NCOR2: variants seen among roughly 807,000 people sequenced by gnomAD.
NCOR2 encodes nuclear receptor corepressor 2.
NCOR2 carries 81 observed loss-of-function variants against 262.9 expected under a neutral mutation model. That is an observed-to-expected ratio of 0.31 (90% CI 0.26 to 0.37). The LOEUF (loss-of-function observed/expected upper bound fraction) is 0.37. Ranked by LOEUF, NCOR2 falls within the 10% of genes least tolerant of loss-of-function variation. NCOR2 has a pLI of 1.00. For synonymous variants in NCOR2, 1,659 were observed against 1,559.3 expected, an observed-to-expected ratio of 1.06 and a Z score of -1.51; for missense variants, 3,385 against 3,621.4, an observed-to-expected ratio of 0.93 and a Z score of 1.68.
At chr12:124,334,330 T>C (rs1179445740) in intron 41 of NCOR2, 94 bp downstream of exon 43, 2 of 910,370 alleles carry the variant, frequency 2.2e-6, no homozygotes, top group South Asian at 1.7e-5. Context: ...GCGGGCCTCA[T>C]ATGCAGCTGA....
chr12:124,447,111 C>T (rs1176997236), intron 7 of NCOR2, among the ~76,000 whole-genome samples: 1 of 152,186 alleles, frequency 6.6e-6, no homozygotes, highest in African/African-American at 2.4e-5. Context: ...GATGGGGTTT[C>T]ACCATGTCGG....
In NCOR2 at chr12:124,356,729, C is replaced by T. The variant is rs570351609; in HGVS notation, c.3154G>A (p.Gly1052Ser). 10 of 1,498,834 alleles carry T rather than the reference C, an allele frequency of 6.7e-6. No individual in the cohort carries two copies. The South Asian group carries it at 8.4e-5, about 13-fold the overall frequency. 92.8% of individuals were successfully genotyped at this position (1,498,834 alleles called of 1,614,324 possible). Residue 1052 changes from glycine (G) to serine (S), a missense_variant, in exon 23 of 47, where the codon GGC becomes AGC. Transcript: ENST00000405201. ...CGGGGGGGCACGGGGAAGGGCAGGCCGGAAGTCCAGCAAGGGGGGTCCCCA... is the reference window on the plus strand; with the variant it reads ...CGGGGGGGCACGGGGAAGGGCAGGCTGGAAGTCCAGCAAGGGGGGTCCCCA...
chr12:124,465,357 G>C (rs2046367062), intron 5 of NCOR2, among the ~76,000 whole-genome samples: 2 of 152,214 alleles, frequency 1.3e-5, no homozygotes, highest in Non-Finnish European at 2.9e-5. Flanking sequence ...AGCCCAGCTG[G>C]TAGTGGCTTG....
At chr12:124,332,350 C>A (rs1372031807) in exon 43 of NCOR2, 5 of 1,614,194 alleles carry the variant, frequency 3.1e-6, no homozygotes, top group Non-Finnish European at 4.2e-6. Flanking sequence ...TGTGGGTGTT[C>A]AGCTTCTTGT....
intron 13 of NCOR2, among the ~76,000 whole-genome samples, chr12:124,409,265 T>C (rs2042437536): frequency 6.6e-6 from 1 of 152,224 alleles, no homozygotes. Flanking sequence ...TTCCTGGCCC[T>C]GGCCCACCTC....
upstream of NCOR2, among the ~76,000 whole-genome samples, chr12:124,498,758 C>T (rs922023402): frequency 1.3e-5 from 2 of 152,178 alleles, no homozygotes; most frequent in Admixed American, 6.5e-5. Context: ...AAAAGGCAGA[C>T]CCAGCAAAAA....
At chr12:124,336,892 G>T (rs2035947136) in exon 38 of NCOR2, 2 of 1,605,628 alleles carry the variant, frequency 1.2e-6, no homozygotes, top group Non-Finnish European at 1.7e-6. Context: ...CAGGGGTGCG[G>T]GCGATGGTGG....
chr12:124,475,778 C>A lies in NCOR2; in HGVS notation c.412-2647G>T, dbSNP rs1047027408. ...ATGCCCAAGGCCACTCAGCATCCTA[C>A]CTTGGAAGGTGCTTGAAGGGGGAGG... On this transcript the variant is annotated intron_variant, in intron 3 of 46. Transcript: ENST00000405201. Among the ~76,000 whole-genome samples the A allele has an allele frequency of 7.2e-5, 11 of 152,340 alleles. No individual in the cohort carries two copies. In the East Asian group the frequency reaches 2.1e-3, roughly 29 times the overall value.
At chr12:124,357,995 GGTGT>G (rs764237314) in intron 22 of NCOR2, among the ~76,000 whole-genome samples, 15 of 149,126 alleles carry the variant, frequency 1.0e-4, no homozygotes, top group South Asian at 4.2e-4. Context: ...GGTAACCTGT[GGTGT>G]GTGTGTGTGC....
intron 28 of NCOR2, chr12:124,348,914 G>A (rs2037180449): frequency 6.4e-6 from 1 of 155,922 alleles, no homozygotes; most frequent in Non-Finnish European, 1.4e-5. Context: ...CACGGGTCTT[G>A]TGTGTGCAGG....
At chr12:124,413,604 C>T (rs1435168775) in intron 13 of NCOR2, among the ~76,000 whole-genome samples, 2 of 152,100 alleles carry the variant, frequency 1.3e-5, no homozygotes, top group East Asian at 1.9e-4. Flanking sequence ...CCACGGGCAC[C>T]GCGCCAGGAC....
intron 44 of NCOR2, among the ~76,000 whole-genome samples, chr12:124,329,779 G>A (rs2035023094): frequency 6.6e-6 from 1 of 152,190 alleles, no homozygotes; most frequent in African/African-American, 2.4e-5. Context: ...ATAAGTGTTA[G>A]CATAAATCTT....
intron 1 of NCOR2, among the ~76,000 whole-genome samples, chr12:124,511,322 G>A (rs2049381137): frequency 6.6e-6 from 1 of 152,202 alleles, no homozygotes; most frequent in South Asian, 2.1e-4. Flanking sequence ...ACTCCTGGAA[G>A]CCCCAGTGCC....
intron 17 of NCOR2, among the ~76,000 whole-genome samples, chr12:124,385,038 G>GGGAGGAAGGGAAGGA (rs1337014889): frequency 6.6e-6 from 1 of 152,096 alleles, no homozygotes; most frequent in Non-Finnish European, 1.5e-5. Context: ...GGAGAAAGGA[G>GGGAGGAAGGGAAGGA]GGAGGAAGGG....
chr12:124,479,454 TAC>T lies in NCOR2; in HGVS notation c.411+4140_411+4141del, dbSNP rs144568176. 3.2e-3 allele frequency among the ~76,000 whole-genome samples: 463 copies of T among 143,470 alleles called. 3 individuals are homozygous for T. Among genetic ancestry groups the T allele is most frequent in the African/African-American group, 0.01 (399 of 38,466 alleles). 94.1% of individuals were successfully genotyped at this position (143,470 alleles called of 152,430 possible). On this transcript the variant is annotated intron_variant, in intron 3 of 46. Transcript: ENST00000405201. ...ACAGGCACATGTGTGCACACACGCATACACACACACACACAAACACGCAGGGA... is the reference window on the plus strand; with the variant it reads ...ACAGGCACATGTGTGCACACACGCATACACACACACACAAACACGCAGGGA...
At chr12:124,456,883 C>A (rs971132661) in intron 6 of NCOR2, among the ~76,000 whole-genome samples, 3 of 152,224 alleles carry the variant, frequency 2.0e-5, no homozygotes, top group African/African-American at 7.2e-5. Flanking sequence ...GAGGCGCTCG[C>A]TGCCAAGACT....
chr12:124,374,372 G>A lies in NCOR2; in HGVS notation c.2218+41C>T, dbSNP rs377444347. On this transcript the variant is annotated intron_variant, in intron 19 of 46. Coordinates refer to ENST00000405201, the Ensembl canonical transcript of NCOR2. The stretch of plus-strand genomic sequence containing the variant: ...CCGGGGACCTTGGGATGCCCGCCCC[G>A]GCCCGGCCCTACCCCCCAGGCCAGC... 8.4e-5 allele frequency: 134 copies of A among 1,603,082 alleles called. 1 individual carries two copies. The East Asian group carries it at 1.6e-3, about 19-fold the overall frequency.
intron 20 of NCOR2, among the ~76,000 whole-genome samples, chr12:124,367,041 A>G (rs528414207): frequency 1.3e-5 from 2 of 152,240 alleles, no homozygotes; most frequent in African/African-American, 2.4e-5. Context: ...TATATGTGTA[A>G]AGATAATTCT....
chr12:124,450,566 A>G (rs191767342), intron 6 of NCOR2, among the ~76,000 whole-genome samples: 8 of 152,340 alleles, frequency 5.3e-5, no homozygotes, highest in South Asian at 2.1e-4. Context: ...CCACCAGAAG[A>G]GCAGCTAAGG....
Sources: gnomAD v4.1 joint callset for allele counts (sites outside exome capture counted in the v4.1 genomes callset) on GRCh38, gnomAD v4.1.1 for gene constraint, MANE v1.5 for transcripts, NCBI Gene and HGNC (gene_info 2026-07-23, HGNC 2026-07-21) for gene names.